PITPNA: variants seen among roughly 807,000 people sequenced by gnomAD.
The protein encoded by PITPNA is phosphatidylinositol transfer protein alpha.
A neutral mutation model predicts 50.3 loss-of-function variants in PITPNA; 13 were observed. That is an observed-to-expected ratio of 0.26 (90% CI 0.17 to 0.41). PITPNA has a LOEUF of 0.41. Among genes scored for constraint, PITPNA ranks in the 10% least tolerant of loss-of-function variants. PITPNA has a pLI of 1.00. For synonymous variants in PITPNA, 120 were observed against 119.6 expected (o/e 1.00, Z -0.02); for missense variants, 207 against 333.4 (o/e 0.62, Z 2.95).
At chr17:1,561,011 T>C (rs982283131) in intron 1 of PITPNA, among the ~76,000 whole-genome samples, 1 of 152,192 alleles carries the variant, frequency 6.6e-6, no homozygotes, top group Non-Finnish European at 1.5e-5. Flanking sequence ...GCAAGAGCTC[T>C]CTGCACACCT....
chr17:1,540,873 C>T (rs1404752283), intron 6 of PITPNA, among the ~76,000 whole-genome samples: 1 of 152,194 alleles, frequency 6.6e-6, no homozygotes, highest in Non-Finnish European at 1.5e-5. Context: ...GCGTGAGCCA[C>T]CGCACCCGGT....
intron 1 of PITPNA, among the ~76,000 whole-genome samples, chr17:1,560,304 C>T (rs1394205291): frequency 1.3e-5 from 2 of 152,202 alleles, no homozygotes; most frequent in Admixed American, 1.3e-4. Flanking sequence ...CCGGGCTGGG[C>T]CTGGAGCGGC....
intron 4 of PITPNA, among the ~76,000 whole-genome samples, chr17:1,547,196 CA>C (rs758159456): frequency 1.3e-3 from 85 of 62,966 alleles, no homozygotes; most frequent in East Asian, 0.013. Flanking sequence ...CCCATCTCTC[CA>C]AAAAAAAAAA....
At position 1,553,069 on chromosome 17, in the gene PITPNA, C is replaced by A; in HGVS notation, c.132G>T (p.Val44=). The part of the protein sequence containing the change: ...TGGGEGVEVL[V]NEPYEKDGEK... The stretch of plus-strand genomic sequence containing the variant: ...CACCGTCCTTCTCGTAGGGCTCATT[C>A]ACCAGGACCTCCACGCCTTCGCCAC... Residue 44 remains valine, a synonymous_variant, in exon 3 of 12, where the codon GTG becomes GTT. Coordinates refer to ENST00000313486, the MANE Select transcript of PITPNA (RefSeq NM_006224.4). 1 of 1,614,006 alleles carries A rather than the reference C, an allele frequency of 6.2e-7. No homozygotes were observed. Among genetic ancestry groups the A allele is most frequent in the East Asian group, 2.2e-5 (1 of 44,886 alleles).
At chr17:1,554,421 C>T (rs2075725247) in intron 2 of PITPNA, among the ~76,000 whole-genome samples, 1 of 104,252 alleles carries the variant, frequency 9.6e-6, no homozygotes, top group Admixed American at 1.3e-4. Flanking sequence ...TTTTTTTAGA[C>T]AGAGATCGCA....
intron 6 of PITPNA, among the ~76,000 whole-genome samples, chr17:1,540,874 C>T (rs911418853): frequency 2.0e-5 from 3 of 152,142 alleles, no homozygotes; most frequent in East Asian, 3.9e-4. Context: ...CGTGAGCCAC[C>T]GCACCCGGTC....
intron 1 of PITPNA, among the ~76,000 whole-genome samples, chr17:1,558,848 C>T (rs77737447): frequency 0.044 from 6,434 of 146,896 alleles, 187 homozygotes; most frequent in East Asian, 0.076. Context: ...TGAGGCATCC[C>T]AGTTAGAACC....
chr17:1,561,993 G>A (rs998140893), intron 1 of PITPNA, among the ~76,000 whole-genome samples: 4 of 151,900 alleles, frequency 2.6e-5, no homozygotes, highest in African/African-American at 9.7e-5. Context: ...GCCTCTCAGC[G>A]CCGCCTGCAG....
At chr17:1,541,124 A>G (rs1285308494) in intron 6 of PITPNA, among the ~76,000 whole-genome samples, 1 of 151,990 alleles carries the variant, frequency 6.6e-6, no homozygotes, top group South Asian at 2.1e-4. Context: ...ATGGTCTTAC[A>G]TTGTTTTTGA....
chr17:1,559,786 G>C, intron 1 of PITPNA: 3 of 985,228 alleles, frequency 3.0e-6, no homozygotes, highest in Non-Finnish European at 3.6e-6. Flanking sequence ...CAGGAAAGTA[G>C]CAGGAAAAAC....
chr17:1,531,255 G>C (rs2075581087), intron 10 of PITPNA, among the ~76,000 whole-genome samples: 1 of 152,152 alleles, frequency 6.6e-6, no homozygotes, highest in Non-Finnish European at 1.5e-5. Flanking sequence ...CACAGCAAGA[G>C]ACAGGGGAGT....
intron 2 of PITPNA, among the ~76,000 whole-genome samples, chr17:1,554,390 AT>A (rs61238602): frequency 0.4 from 26,154 of 65,784 alleles, 4,966 homozygotes; most frequent in South Asian, 0.57. Context: ...GTGTTTCTCT[AT>A]TTTTTTTTTT....
At chr17:1,558,769 ACCCCCCCCCCGCC>A (rs2075752676) in intron 1 of PITPNA, among the ~76,000 whole-genome samples, 1 of 22,694 alleles carries the variant, frequency 4.4e-5, no homozygotes, top group African/African-American at 2.4e-4. Context: ...CTGTGACAAC[ACCCCCCCCCCGCC>A]CCCCCCCCCA....
rs1301565192 is a variant in PITPNA, at chr17:1,550,823, G to A, written c.197+2181C>T. Among the ~76,000 whole-genome samples the A allele has an allele frequency of 3.9e-5, 6 of 152,248 alleles. No individual in the cohort carries two copies. The South Asian group carries it at 6.2e-4, about 16-fold the overall frequency. The stretch of plus-strand genomic sequence containing the variant: ...AAGGGAAGCCGTCAGCAGTTTTGGC[G>A]CTGGGAGTGACAGACCATCCAGACT... On this transcript the variant is annotated intron_variant, in intron 3 of 11. Coordinates refer to ENST00000313486, the MANE Select transcript of PITPNA (RefSeq NM_006224.4).
chr17:1,533,505 C>T (rs529878119), intron 10 of PITPNA, among the ~76,000 whole-genome samples: 1 of 152,266 alleles, frequency 6.6e-6, no homozygotes, highest in South Asian at 2.1e-4. Flanking sequence ...CTGACAATCT[C>T]CTCTGAGTGG....
intron 10 of PITPNA, among the ~76,000 whole-genome samples, chr17:1,529,137 CAAA>C (rs67568232): frequency 5.5e-5 from 5 of 91,036 alleles, no homozygotes; most frequent in African/African-American, 4.4e-5. Flanking sequence ...GACTCCATCT[CAAA>C]AAAAAAAAAA....
Position 1,535,310 on chromosome 17 carries a change from C to CT in PITPNA, c.535-19_535-18insA, listed in dbSNP as rs2075609181. ...AGCTCTTGCTGCATTAGAAACATAC[C>CT]CATGGGTACGCAAGTAACAACGGGC... On this transcript the variant is annotated intron_variant, in intron 8 of 11. Coordinates refer to ENST00000313486, the MANE Select transcript of PITPNA (RefSeq NM_006224.4). The CT allele has an allele frequency of 6.3e-7, 1 of 1,581,348 alleles. No homozygotes were observed. Among genetic ancestry groups the CT allele is most frequent in the Non-Finnish European group, 8.7e-7 (1 of 1,150,326 alleles).
At chr17:1,539,573 C>A (rs1156763762) in intron 6 of PITPNA, among the ~76,000 whole-genome samples, 2 of 151,836 alleles carry the variant, frequency 1.3e-5, no homozygotes, top group Admixed American at 1.3e-4. Flanking sequence ...CCGTCTCAGC[C>A]TCCTGAGGAG....
At chr17:1,542,959 ATT>A in intron 5 of PITPNA, 59 bp downstream of exon 5, 1 of 1,367,674 alleles carries the variant, frequency 7.3e-7, no homozygotes, top group South Asian at 1.2e-5. Flanking sequence ...GTGCAGTTAC[ATT>A]TTTCTCTCTC....
Sources: gnomAD v4.1 joint callset for allele counts (sites outside exome capture counted in the v4.1 genomes callset) on GRCh38, gnomAD v4.1.1 for gene constraint, MANE v1.5 for transcripts, NCBI Gene and HGNC (gene_info 2026-07-23, HGNC 2026-07-21) for gene names.